Variants in LYZL2 observed in about 807,000 individuals in gnomAD.
LYZL2 encodes the protein lysozyme-like protein 2.
A neutral mutation model predicts 17.1 loss-of-function variants in LYZL2; 13 were observed. That is an observed-to-expected ratio of 0.76 (90% CI 0.49 to 1.21). The LOEUF (loss-of-function observed/expected upper bound fraction) is 1.21, where lower values mean the gene tolerates loss of function less well. LYZL2 is among the 50% of genes most tolerant of loss of function. LYZL2 has a pLI of 0.00. For synonymous variants in LYZL2, 63 were observed against 74.4 expected (o/e 0.85, Z 0.79); for missense variants, 166 against 189.2 (o/e 0.88, Z 0.72).
At chr10:30,627,465 A>G (rs1486682112) in intron 1 of LYZL2, among the ~76,000 whole-genome samples, 1 of 151,950 alleles carries the variant, frequency 6.6e-6, no homozygotes, top group Non-Finnish European at 1.5e-5. Flanking sequence ...ATGATGATCC[A>G]CTTCCACTTA....
At chr10:30,619,942 C>G (rs953940065) in intron 3 of LYZL2, among the ~76,000 whole-genome samples, 69 of 152,230 alleles carry the variant, frequency 4.5e-4, no homozygotes, top group African/African-American at 1.6e-3. Flanking sequence ...TCACAAAAAT[C>G]TGCAAAAAGG....
chr10:30,616,149 T>C (rs1445000669), intron 3 of LYZL2, among the ~76,000 whole-genome samples: 1 of 152,248 alleles, frequency 6.6e-6, no homozygotes, highest in Non-Finnish European at 1.5e-5. Context: ...TTCCTTGAGT[T>C]GCTAATTTTG....
chr10:30,621,338 G>A (rs1209757615), intron 3 of LYZL2, among the ~76,000 whole-genome samples: 1 of 152,134 alleles, frequency 6.6e-6, no homozygotes, highest in Non-Finnish European at 1.5e-5. Context: ...CCAGCACTTT[G>A]GGAGGCTGAG....
At chr10:30,611,575 G>GAAAGAAAT, downstream of LYZL2, among the ~76,000 whole-genome samples, 1 of 97,750 alleles carries the variant, frequency 1.0e-5, no homozygotes, top group East Asian at 4.1e-4. Flanking sequence ...AGGAAGGAAA[G>GAAAGAAAT]AAAGAAAGAA....
intron 3 of LYZL2, among the ~76,000 whole-genome samples, chr10:30,615,333 G>C (rs747343211): frequency 7.2e-5 from 11 of 152,216 alleles, no homozygotes; most frequent in African/African-American, 1.4e-4. Flanking sequence ...ATCTACAAAA[G>C]TTGAACTCAT....
intron 1 of LYZL2, among the ~76,000 whole-genome samples, chr10:30,628,600 G>T (rs1261725363): frequency 5.9e-5 from 9 of 152,120 alleles, no homozygotes. Flanking sequence ...CAACTACTCG[G>T]GATCCTGAAC....
At chr10:30,611,566 GGAAGGAAAGAAAGAAAGAAA>G (rs1456315655), downstream of LYZL2, among the ~76,000 whole-genome samples, 8 of 63,190 alleles carry the variant, frequency 1.3e-4, no homozygotes, top group East Asian at 1.8e-3. Context: ...AAGGAAGGAA[GGAAGGAAAGAAAGAAAGAAA>G]GAAAGAAAGA....
chr10:30,608,327 T>G (rs372807517), downstream of LYZL2, among the ~76,000 whole-genome samples: 5 of 152,258 alleles, frequency 3.3e-5, no homozygotes, highest in African/African-American at 1.2e-4. Flanking sequence ...ATTTTAGATA[T>G]CTAGATCATT....
chr10:30,608,870 C>T (rs1454850949), downstream of LYZL2, among the ~76,000 whole-genome samples: 1 of 152,158 alleles, frequency 6.6e-6, no homozygotes, highest in Non-Finnish European at 1.5e-5. Flanking sequence ...GACAGGGCCT[C>T]ACTCTGTCAT....
chr10:30,610,220 G>A (rs1393588950), downstream of LYZL2, among the ~76,000 whole-genome samples: 3 of 152,176 alleles, frequency 2.0e-5, no homozygotes, highest in Admixed American at 6.5e-5. Context: ...GGTTTGAAAA[G>A]CTTGATTTAA....
rs1395467509 is a variant in LYZL2 at position 30,629,746 on chromosome 10, C to T, written c.-179G>A. On this transcript the variant is annotated 5_prime_UTR_variant, in exon 1 of 5. Transcript: ENST00000647634. ...CTGATTCTAACAAGGCTCGAGTAATCCTTTCCTAGCTCAAGAACCTTTCTT... is the reference window on the plus strand; with the variant it reads ...CTGATTCTAACAAGGCTCGAGTAATTCTTTCCTAGCTCAAGAACCTTTCTT... 5.7e-6 allele frequency: 9 copies of T among 1,567,964 alleles called. No individual in the cohort carries two copies. In the East Asian group the frequency reaches 1.6e-4, roughly 28 times the overall value.
downstream of LYZL2, among the ~76,000 whole-genome samples, chr10:30,611,570 G>GGAAGGAAGGAAAGAAAGAAAGAAAGAAA (rs1491344870): frequency 3.7e-5 from 2 of 54,122 alleles, no homozygotes; most frequent in African/African-American, 7.4e-5. Flanking sequence ...AAGGAAGGAA[G>GGAAGGAAGGAAAGAAAGAAAGAAAGAAA]GAAAGAAAGA....
chr10:30,612,192 A>T (rs1030819131), intron 4 of LYZL2, among the ~76,000 whole-genome samples, 168 bp from the exon 5 acceptor site: 1 of 152,124 alleles, frequency 6.6e-6, no homozygotes, highest in African/African-American at 2.4e-5. Context: ...TCAGACTTTG[A>T]TCTCCTGGTT....
Position 30,624,607 on chromosome 10 carries a change from T to A in LYZL2, c.298+1498A>T, listed in dbSNP as rs530481512. Among the ~76,000 whole-genome samples the A allele has an allele frequency of 3.9e-5, 6 of 152,358 alleles. No homozygotes were observed. In the South Asian group the frequency reaches 1.0e-3, roughly 26 times the overall value. On this transcript the variant is annotated intron_variant, in intron 3 of 4. Transcript: ENST00000647634. ...TCTGTTTTCCAGCCAGGATTCTTTA[T>A]GATACAGGAGGTAAAAAATGTAACA...
intron 3 of LYZL2, among the ~76,000 whole-genome samples, chr10:30,618,375 C>T (rs1345018038): frequency 6.6e-6 from 1 of 152,230 alleles, no homozygotes; most frequent in Non-Finnish European, 1.5e-5. Flanking sequence ...CAAGTCAATC[C>T]TAAGCCAAAA....
intron 3 of LYZL2, among the ~76,000 whole-genome samples, chr10:30,615,545 C>G (rs1838513857): frequency 1.3e-5 from 2 of 152,060 alleles, no homozygotes; most frequent in Non-Finnish European, 2.9e-5. Context: ...CTCTCTCTGT[C>G]TCTCATACAC....
chr10:30,606,762 T>G, the LYZL2 span, among the ~76,000 whole-genome samples: 1 of 152,054 alleles, frequency 6.6e-6, no homozygotes, highest in Non-Finnish European at 1.5e-5. Flanking sequence ...GCTATCAACT[T>G]TGCTCTATCA....
chr10:30,618,423 C>T (rs1480390096), intron 3 of LYZL2, among the ~76,000 whole-genome samples: 1 of 152,216 alleles, frequency 6.6e-6, no homozygotes. Context: ...TGACTTCCAA[C>T]TATACTACAA....
intron 3 of LYZL2, among the ~76,000 whole-genome samples, chr10:30,622,410 G>A (rs374780448): frequency 2.6e-5 from 4 of 152,066 alleles, no homozygotes; most frequent in South Asian, 4.2e-4. Flanking sequence ...TTAGCTGGGC[G>A]TGGTGGCATG....
Sources: gnomAD v4.1 joint callset for allele counts (sites outside exome capture counted in the v4.1 genomes callset) on GRCh38, gnomAD v4.1.1 for gene constraint, MANE v1.5 for transcripts, NCBI Gene and HGNC (gene_info 2026-07-23, HGNC 2026-07-21) for gene names.